NKAIN2: variants seen among roughly 807,000 people sequenced by gnomAD.
The protein encoded by NKAIN2 is sodium/potassium transporting ATPase interacting 2.
Under a neutral mutation model 32.6 loss-of-function variants are expected in NKAIN2, and 14 were observed. The observed-to-expected ratio is 0.43, with a 90% CI of 0.28 to 0.67. The LOEUF (loss-of-function observed/expected upper bound fraction) is 0.67, where lower values mean the gene tolerates loss of function less well. Ranked by LOEUF, NKAIN2 falls within the 30% of genes least tolerant of loss-of-function variation. The probability of loss-of-function intolerance (pLI) is 0.17; values close to 1 mark genes in which losing one functional copy is unlikely to be tolerated. For synonymous variants in NKAIN2, 80 were observed against 87.2 expected, an observed-to-expected ratio of 0.92 and a Z score of 0.46; for missense variants, 198 against 258.3, an observed-to-expected ratio of 0.77 and a Z score of 1.60.
intron 1 of NKAIN2, among the ~76,000 whole-genome samples, chr6:124,147,924 C>G (rs1267670838): frequency 6.6e-6 from 1 of 152,088 alleles, no homozygotes; most frequent in African/African-American, 2.4e-5. Flanking sequence ...AACTTCCCCT[C>G]CCATCTTAAA....
chr6:124,382,706 A>T (rs558834663), intron 3 of NKAIN2, among the ~76,000 whole-genome samples: 1 of 152,196 alleles, frequency 6.6e-6, no homozygotes. Context: ...AAAACATGCT[A>T]TATAATTAAT....
chr6:124,067,144 C>A (rs1393337173), intron 1 of NKAIN2, among the ~76,000 whole-genome samples: 1 of 152,086 alleles, frequency 6.6e-6, no homozygotes, highest in Non-Finnish European at 1.5e-5. Context: ...CTTCCAAGTT[C>A]TTCTCTCTGG....
At chr6:124,011,051 GA>G (rs1465395543) in intron 1 of NKAIN2, among the ~76,000 whole-genome samples, 1 of 152,050 alleles carries the variant, frequency 6.6e-6, no homozygotes, top group Non-Finnish European at 1.5e-5. Context: ...ATTTTGACCA[GA>G]TTCTGCTCAT....
At chr6:124,624,784 T>TTAGAG (rs1336673007) in intron 3 of NKAIN2, among the ~76,000 whole-genome samples, 10 of 152,196 alleles carry the variant, frequency 6.6e-5, no homozygotes, top group Admixed American at 2.6e-4. Flanking sequence ...TTGTCTTGAA[T>TTAGAG]TAGAGTATGT....
intron 1 of NKAIN2, among the ~76,000 whole-genome samples, chr6:123,963,891 G>A (rs1478338843): frequency 6.6e-6 from 1 of 152,062 alleles, no homozygotes; most frequent in African/African-American, 2.4e-5. Context: ...TACAATTTAT[G>A]GTGCATTTTG....
chr6:124,066,906 C>T (rs1042539528), intron 1 of NKAIN2, among the ~76,000 whole-genome samples: 2 of 150,580 alleles, frequency 1.3e-5, no homozygotes, highest in Admixed American at 6.6e-5. Context: ...GTGTTAAAAG[C>T]AGCAAATACT....
At chr6:124,098,904 CA>C (rs1165629363) in intron 1 of NKAIN2, among the ~76,000 whole-genome samples, 3 of 151,796 alleles carry the variant, frequency 2.0e-5, no homozygotes, top group African/African-American at 7.3e-5. Context: ...AATTAAATAA[CA>C]AAGTGTGTTT....
chr6:124,505,561 T>C (rs1353943588), intron 3 of NKAIN2, among the ~76,000 whole-genome samples: 1 of 152,220 alleles, frequency 6.6e-6, no homozygotes, highest in Non-Finnish European at 1.5e-5. Flanking sequence ...TGGGAACTTC[T>C]GCTAAGCTAG....
intron 1 of NKAIN2, among the ~76,000 whole-genome samples, chr6:124,228,827 T>C (rs956140138): frequency 3.9e-5 from 6 of 152,192 alleles, no homozygotes; most frequent in African/African-American, 1.2e-4. Flanking sequence ...TTCAAAATTG[T>C]CAATGCAAAG....
At chr6:124,191,429 G>A (rs1790016304) in intron 1 of NKAIN2, among the ~76,000 whole-genome samples, 1 of 151,860 alleles carries the variant, frequency 6.6e-6, no homozygotes, top group East Asian at 1.9e-4. Context: ...CCAGTTTATA[G>A]AAATATAACT....
chr6:124,126,958 C>T (rs1181493054), intron 1 of NKAIN2, among the ~76,000 whole-genome samples: 1 of 152,018 alleles, frequency 6.6e-6, no homozygotes, highest in Non-Finnish European at 1.5e-5. Flanking sequence ...CAAAAAACAA[C>T]ACAATAGACG....
chr6:123,849,257 G>C (rs1031659279), intron 1 of NKAIN2, among the ~76,000 whole-genome samples: 10 of 152,124 alleles, frequency 6.6e-5, no homozygotes, highest in African/African-American at 2.4e-4. Context: ...AATAACAGCT[G>C]TCTTCTTTCA....
chr6:124,295,455 G>T (rs903956100), intron 2 of NKAIN2, among the ~76,000 whole-genome samples: 2 of 152,098 alleles, frequency 1.3e-5, no homozygotes, highest in Admixed American at 6.6e-5. Flanking sequence ...CCCCATAGCT[G>T]CAGGTTAGTC....
intron 1 of NKAIN2, among the ~76,000 whole-genome samples, chr6:123,935,212 A>T (rs1290500393): frequency 6.7e-6 from 1 of 149,534 alleles, no homozygotes; most frequent in Admixed American, 6.7e-5. Context: ...ATATTTACTT[A>T]ATCTTTCTTG....
At chr6:124,243,282 G>A (rs1793210080) in intron 1 of NKAIN2, among the ~76,000 whole-genome samples, 1 of 151,922 alleles carries the variant, frequency 6.6e-6, no homozygotes, top group African/African-American at 2.4e-5. Flanking sequence ...AACACTTGAG[G>A]CCAGGAGTTG....
At chr6:124,755,734 G>T (rs183356831) in intron 4 of NKAIN2, among the ~76,000 whole-genome samples, 91 of 152,196 alleles carry the variant, frequency 6.0e-4, no homozygotes, top group African/African-American at 2.1e-3. Context: ...GGAGAAGGGG[G>T]AGTAACAGAA....
intron 1 of NKAIN2, among the ~76,000 whole-genome samples, chr6:123,974,729 G>A (rs11154202): frequency 0.22 from 33,030 of 152,130 alleles, 4,399 homozygotes; most frequent in East Asian, 0.44. Context: ...GATCGAGCGT[G>A]TCAACGGGGA....
intron 1 of NKAIN2, among the ~76,000 whole-genome samples, chr6:124,123,361 GAA>G (rs1358836595): frequency 3.3e-5 from 5 of 152,010 alleles, no homozygotes; most frequent in Non-Finnish European, 7.4e-5. Context: ...GGGTGAGAGA[GAA>G]AGCCACTGAG....
At chr6:124,410,769 A>G (rs1002340735) in intron 3 of NKAIN2, among the ~76,000 whole-genome samples, 4 of 152,108 alleles carry the variant, frequency 2.6e-5, no homozygotes, top group African/African-American at 9.7e-5. Context: ...TTCTGTCTCG[A>G]TCTGTCTAAT....
Sources: allele counts gnomAD v4.1 joint callset (sites outside exome capture counted in the v4.1 genomes callset), GRCh38; gene constraint gnomAD v4.1.1; transcripts MANE v1.5; gene names NCBI Gene and HGNC (gene_info 2026-07-23, HGNC 2026-07-21).